The following DIPK1C variants were observed in gnomAD, a reference collection of about 807,000 sequenced individuals.
DIPK1C encodes familial non-conventional Alzheimer's dementia.
In DIPK1C, 33 loss-of-function variants were observed where a neutral mutation model predicts 28.0. That is an observed-to-expected ratio of 1.18 (90% CI 0.89 to 1.58). The LOEUF is 1.58. Among genes scored for constraint, DIPK1C ranks in the 40% most tolerant of loss-of-function variants. The pLI, the probability that DIPK1C is intolerant of heterozygous loss-of-function variation, is 0.00. For missense variants in DIPK1C, 569 were observed against 568.5 expected, an observed-to-expected ratio of 1.00 and a Z score of -0.01; for synonymous variants, 255 against 248.8, an observed-to-expected ratio of 1.02 and a Z score of -0.23.
At chr18:74,452,592 TAA>T (rs36019278) in intron 1 of DIPK1C, among the ~76,000 whole-genome samples, 7 of 138,972 alleles carry the variant, frequency 5.0e-5, no homozygotes, top group Non-Finnish European at 7.9e-5. Flanking sequence ...CTACAAAAAT[TAA>T]AAAAAAAAAA....
chr18:74,438,626 A>C (rs1986050738), intron 3 of DIPK1C, among the ~76,000 whole-genome samples: 1 of 152,174 alleles, frequency 6.6e-6, no homozygotes, highest in African/African-American at 2.4e-5. Context: ...CTTCCTTTTC[A>C]ATGAATGGTC....
intron 3 of DIPK1C, among the ~76,000 whole-genome samples, chr18:74,438,941 G>A (rs535204658): frequency 3.9e-5 from 6 of 152,336 alleles, no homozygotes; most frequent in Non-Finnish European, 7.3e-5. Context: ...TCCCCTTGGC[G>A]AAGCCAGTCC....
At position 74,436,460 on chromosome 18, in the gene DIPK1C, G is replaced by C; in HGVS notation, c.*41C>G. ...CAATGGCAGAAGAAATCCAGCCAAGGTCACTTTTCCTGTGTGAGCATGTTT... is the reference window on the plus strand; with the variant it reads ...CAATGGCAGAAGAAATCCAGCCAAGCTCACTTTTCCTGTGTGAGCATGTTT... On this transcript the variant is annotated 3_prime_UTR_variant, in exon 4 of 4. Transcript: ENST00000343998. 6.6e-7 allele frequency: 1 copy of C among 1,517,872 alleles called. No individual in the cohort carries two copies. The allele number at this position is 1,517,872 out of a possible 1,614,324, so 94.0% of individuals were successfully genotyped here.
intron 3 of DIPK1C, among the ~76,000 whole-genome samples, chr18:74,440,101 C>A (rs570844123): frequency 6.6e-6 from 1 of 152,146 alleles, no homozygotes; most frequent in Non-Finnish European, 1.5e-5. Context: ...CCCGCCACCT[C>A]GCCCGGCTAA....
At chr18:74,460,786 T>G (rs190991380), upstream of DIPK1C, among the ~76,000 whole-genome samples, 17 of 152,292 alleles carry the variant, frequency 1.1e-4, no homozygotes, top group South Asian at 2.1e-4. Context: ...ATTCATTCAT[T>G]CATGCATTCA....
chr18:74,449,584 C>T (rs1986352126), intron 1 of DIPK1C, among the ~76,000 whole-genome samples: 1 of 152,252 alleles, frequency 6.6e-6, no homozygotes, highest in Non-Finnish European at 1.5e-5. Context: ...CTGCCAGCCG[C>T]TGCATTTTAG....
At position 74,434,933 on chromosome 18, in the gene DIPK1C, T is replaced by C. The variant is rs1287028696; in HGVS notation, c.*1568A>G. 1 of 152,200 alleles carries C rather than the reference T, an allele frequency of 6.6e-6. No homozygotes were observed. The highest frequency in any genetic ancestry group is 1.9e-4 in the East Asian group (1 of 5,194). 9.4% of individuals were successfully genotyped at this position (152,200 alleles called of 1,614,324 possible). A position where few individuals can be genotyped will look rare whatever the true frequency, so the allele number is the denominator to read the frequency against. ...TCATTTGGAAGATCCCCAGTGGTGA[T>C]GGGTAAGAATAACAGCTGGCAGTGG... On this transcript the variant is annotated 3_prime_UTR_variant, in exon 4 of 4. Transcript: ENST00000343998.
At chr18:74,446,495 A>G (rs3861310) in intron 2 of DIPK1C, 111 bp downstream of exon 2, 1,074,685 of 1,088,788 alleles carry the variant, frequency 0.99, 531,610 homozygotes, top group East Asian at 1. Context: ...CTGCAGAAGC[A>G]ACAGTAGTTT....
chr18:74,455,868 G>A (rs1022315538), intron 1 of DIPK1C, among the ~76,000 whole-genome samples: 1 of 152,062 alleles, frequency 6.6e-6, no homozygotes, highest in Non-Finnish European at 1.5e-5. Context: ...ACGATGACAC[G>A]CGTCAGAATC....
chr18:74,460,486 A>G (rs1386918268), upstream of DIPK1C, among the ~76,000 whole-genome samples: 2 of 152,206 alleles, frequency 1.3e-5, no homozygotes, highest in African/African-American at 4.8e-5. Flanking sequence ...GGTGATTTTT[A>G]TTTTATTCTT....
In DIPK1C at chr18:74,446,690, C is replaced by A; in HGVS notation, c.792G>T (p.Val264=). The A allele has an allele frequency of 6.5e-7, 1 of 1,534,942 alleles. No homozygotes were observed. The highest frequency in any genetic ancestry group is 8.8e-7 in the Non-Finnish European group (1 of 1,139,358). ...GGGAAAAGTCACTGTCAAAATGGTT[C>A]ACCATGTCCAAGAAGCTGAGTGCGA... ...SDIALSFLDM[V]NHFDSDFSHR... The change falls in exon 2 of 4, where the codon GTG becomes GTT. Residue 264 remains valine (V), a synonymous_variant. Coordinates refer to ENST00000343998, the MANE Select transcript of DIPK1C (RefSeq NM_001044369.3).
intron 3 of DIPK1C, among the ~76,000 whole-genome samples, chr18:74,440,905 C>T (rs996035700): frequency 6.6e-6 from 1 of 152,240 alleles, no homozygotes; most frequent in East Asian, 1.9e-4. Context: ...AAAGCCACTA[C>T]ATTCCTAGGC....
At chr18:74,463,656 G>A in the DIPK1C span, among the ~76,000 whole-genome samples, 3 of 152,140 alleles carry the variant, frequency 2.0e-5, no homozygotes, top group South Asian at 2.1e-4. Context: ...CTACTCAGGC[G>A]AAAGCACAAC....
At position 74,442,238 on chromosome 18, in the gene DIPK1C, G is replaced by A; in HGVS notation, c.877-122C>T. 3 of 1,140,700 alleles carry A rather than the reference G, an allele frequency of 2.6e-6. No individual in the cohort carries two copies. The South Asian group carries it at 4.5e-5, about 17-fold the overall frequency. The allele number at this position is 1,140,700 out of a possible 1,614,324, so 70.7% of individuals were successfully genotyped here. A position where few individuals can be genotyped will look rare whatever the true frequency, so the allele number is the denominator to read the frequency against. On this transcript the variant is annotated intron_variant, in intron 2 of 3. Coordinates refer to ENST00000343998, the MANE Select transcript of DIPK1C (RefSeq NM_001044369.3). ...ACTGTCCAGGTCACAGGTGATCCCA[G>A]AAGTCCCAAGAGCCAAGAGGAAAGC...
chr18:74,445,135 C>T (rs1364862257), intron 2 of DIPK1C, among the ~76,000 whole-genome samples: 2 of 152,280 alleles, frequency 1.3e-5, no homozygotes, highest in South Asian at 4.2e-4. Flanking sequence ...AGAACTGGCC[C>T]GCAGCTGCCC....
chr18:74,446,600 A>G lies in DIPK1C; in HGVS notation c.876+6T>C. 6.9e-7 allele frequency: 1 copy of G among 1,450,656 alleles called. No homozygotes were observed. The highest frequency in any genetic ancestry group is 9.1e-7 in the Non-Finnish European group (1 of 1,095,882). The allele number at this position is 1,450,656 out of a possible 1,614,324, so 89.9% of individuals were successfully genotyped here. On this transcript the variant is annotated splice_donor_region_variant and intron_variant, in intron 2 of 3. Transcript: ENST00000343998. ...GCACATAAACACACCGACCTGCGCC[A>G]CTTACTGTGAAGTCGCTCCGGATGG...
upstream of DIPK1C, among the ~76,000 whole-genome samples, chr18:74,458,940 C>CAAAAAAAAAAAAAAA (rs61690822): frequency 2.4e-5 from 3 of 123,368 alleles, no homozygotes; most frequent in African/African-American, 8.6e-5. Context: ...CCAACCTGGG[C>CAAAAAAAAAAAAAAA]AAAAAAAAAA....
chr18:74,454,191 G>A (rs777734752), intron 1 of DIPK1C, among the ~76,000 whole-genome samples: 43 of 152,088 alleles, frequency 2.8e-4, no homozygotes, highest in Non-Finnish European at 5.3e-4. Context: ...GTCTGACCAG[G>A]AAAATCCAAG....
intron 1 of DIPK1C, among the ~76,000 whole-genome samples, chr18:74,449,612 T>TG (rs2144525287): frequency 6.6e-6 from 1 of 152,314 alleles, no homozygotes; most frequent in South Asian, 2.1e-4. Context: ...TATAATGCAT[T>TG]GGGCGGGGAT....
Sources: gnomAD v4.1 joint callset for allele counts (sites outside exome capture counted in the v4.1 genomes callset) on GRCh38, gnomAD v4.1.1 for gene constraint, MANE v1.5 for transcripts, NCBI Gene and HGNC (gene_info 2026-07-23, HGNC 2026-07-21) for gene names.